The following KIF21B variants were observed in gnomAD, a reference collection of about 807,000 sequenced individuals.
The protein encoded by KIF21B is kinesin-like protein KIF21B.
Under a neutral mutation model 192.9 loss-of-function variants are expected in KIF21B, and 85 were observed. That is an observed-to-expected ratio of 0.44 (90% CI 0.37 to 0.53). The LOEUF (loss-of-function observed/expected upper bound fraction) is 0.53. Ranked by LOEUF, KIF21B falls within the 20% of genes least tolerant of loss-of-function variation. KIF21B has a pLI of 0.00. For missense variants in KIF21B, 1,716 were observed against 2,194.8 expected, an observed-to-expected ratio of 0.78 and a Z score of 4.36; for synonymous variants, 832 against 884.6, an observed-to-expected ratio of 0.94 and a Z score of 1.05.
chr1:200,990,796 G>A lies in KIF21B; in HGVS notation c.2688-73C>T. On this transcript the variant is annotated intron_variant, in intron 18 of 34. Coordinates refer to ENST00000461742, the MANE Select transcript of KIF21B (RefSeq NM_001252102.2). The surrounding 1 kb of genome is among the most constrained non-coding windows in gnomAD (Gnocchi z 5.4). ...TGCAGCTCCACTGAGCCCCCATCTGGAGCTGACAGCCACGGGGACCCGGAG... is the reference window on the plus strand; with the variant it reads ...TGCAGCTCCACTGAGCCCCCATCTGAAGCTGACAGCCACGGGGACCCGGAG... 6.3e-7 allele frequency: 1 copy of A among 1,598,136 alleles called. No individual in the cohort carries two copies.
Position 200,983,089 on chromosome 1 carries a change from T to G in KIF21B, c.3809A>C (p.Asp1270Ala). The change falls in exon 28 of 35, where the codon GAT becomes GCT. Residue 1270 changes from aspartate to alanine, a missense_variant. Around this residue, in one of 3 missense-constraint regions of KIF21B, gnomAD observed 580 missense variants for 775.5 expected, o/e 0.75. Coordinates refer to ENST00000461742, the MANE Select transcript of KIF21B (RefSeq NM_001252102.2). ...CTCCGACAAAGAGGAGTCGCTGTCA[T>G]CAGACCTGGGGAGGGCAGAAAATTA... ...QSQGSALDKS[D>A]DSDSSLSEVL... The G allele has an allele frequency of 6.5e-7, 1 of 1,535,994 alleles. No homozygotes were observed. Among genetic ancestry groups the G allele is most frequent in the Non-Finnish European group, 8.7e-7 (1 of 1,146,826 alleles).
intron 34 of KIF21B, among the ~76,000 whole-genome samples, chr1:200,974,471 C>T (rs535902725): frequency 2.1e-4 from 32 of 152,208 alleles, no homozygotes; most frequent in Admixed American, 5.2e-4. Context: ...TGGAGACAAG[C>T]GGGCGAGGCT....
intron 1 of KIF21B, among the ~76,000 whole-genome samples, chr1:201,013,398 A>T (rs796831595): frequency 1.6e-4 from 25 of 152,262 alleles, no homozygotes; most frequent in African/African-American, 6.0e-4. Flanking sequence ...CCTCAAAGTG[A>T]CAGTGGCCTA....
chr1:201,002,639 A>C (rs376593715), intron 8 of KIF21B: 1 of 385,980 alleles, frequency 2.6e-6, no homozygotes. Flanking sequence ...TCATATCTCC[A>C]TAAAGTCTAG....
Position 201,005,526 on chromosome 1 carries a change from A to T in KIF21B, c.597+19T>A. The stretch of plus-strand genomic sequence containing the variant: ...TCAGGATGCCCTGGACCTGCTCCAG[A>T]CCTCCAGCAGAGGCTCACCTCCTCC... On this transcript the variant is annotated intron_variant, in intron 4 of 34. Coordinates refer to ENST00000461742, the MANE Select transcript of KIF21B (RefSeq NM_001252102.2). 2.5e-6 allele frequency: 4 copies of T among 1,608,176 alleles called. No homozygotes were observed.
At chr1:200,983,500 CA>C (rs1656088065) in intron 27 of KIF21B, among the ~76,000 whole-genome samples, 1 of 152,174 alleles carries the variant, frequency 6.6e-6, no homozygotes, top group Non-Finnish European at 1.5e-5. Context: ...TGAAGGAAGC[CA>C]TGCCTGATCC....
At position 201,004,907 on chromosome 1, in the gene KIF21B, A is replaced by G; in HGVS notation, c.759T>C (p.Pro253=). Residue 253 remains proline (P), a synonymous_variant, in exon 6 of 35, where the codon CCT becomes CCC. Coordinates refer to ENST00000461742, the MANE Select transcript of KIF21B (RefSeq NM_001252102.2). ...DLVNEAVTGL[P]DGTPPSSEYE... ...ACTCACTCGAGGGAGGTGTACCATC[A>G]GGAAGCCCAGTCACCGCCTCATTCA... 6.2e-7 allele frequency: 1 copy of G among 1,609,742 alleles called. No homozygotes were observed. The highest frequency in any genetic ancestry group is 1.1e-5 in the South Asian group (1 of 91,026).
Position 201,004,355 on chromosome 1 carries a change from G to A in KIF21B, c.1001C>T (p.Ser334Leu). 1.3e-6 allele frequency: 2 copies of A among 1,568,554 alleles called. No individual in the cohort carries two copies. The highest frequency in any genetic ancestry group is 1.7e-6 in the Non-Finnish European group (2 of 1,155,844). Residue 334 changes from serine (S) to leucine (L), a missense_variant, in exon 7 of 35, where the codon TCG becomes TTG. Transcript: ENST00000461742. The stretch of plus-strand genomic sequence containing the variant: ...CACCAGATACCTGTTGCCCCCCAGC[G>A]AATCCTGGAGGAGCCGAGTGAGCTT... ...DSKLTRLLQD[S>L]LGGNSQTIMI...
At position 200,990,126 on chromosome 1, in the gene KIF21B, C is replaced by T. The variant is rs376765308; in HGVS notation, c.3030+12G>A. On this transcript the variant is annotated intron_variant, in intron 20 of 34. Transcript: ENST00000461742. The surrounding 1 kb of genome is among the most constrained non-coding windows in gnomAD (Gnocchi z 5.4). Reference sequence around the variant, plus strand: ...CCCGCCTCCGCCCCAGCAGGCCCAGCCCTGCGGATACCTTGGTCTCCTCCA... The same window carrying T: ...CCCGCCTCCGCCCCAGCAGGCCCAGTCCTGCGGATACCTTGGTCTCCTCCA... The T allele has an allele frequency of 2.1e-5, 34 of 1,611,716 alleles. No homozygotes were observed. Among genetic ancestry groups the T allele is most frequent in the Non-Finnish European group, 2.7e-5 (32 of 1,178,336 alleles).
At chr1:201,020,314 C>T (rs1303447477) in intron 1 of KIF21B, among the ~76,000 whole-genome samples, 1 of 152,192 alleles carries the variant, frequency 6.6e-6, no homozygotes, top group East Asian at 1.9e-4. Context: ...CCCTTTCTCG[C>T]CCCATTTGTC....
At chr1:201,011,926 A>G (rs1658254626) in intron 1 of KIF21B, among the ~76,000 whole-genome samples, 1 of 152,234 alleles carries the variant, frequency 6.6e-6, no homozygotes, top group Non-Finnish European at 1.5e-5. Flanking sequence ...GAGGGGGAGC[A>G]ACAGCCCTGC....
intron 27 of KIF21B, among the ~76,000 whole-genome samples, 176 bp downstream of exon 27, chr1:200,984,683 A>C (rs895690603): frequency 4.6e-5 from 7 of 152,170 alleles, no homozygotes; most frequent in African/African-American, 1.7e-4. Context: ...GCCCATGGTT[A>C]GTACAGGAAG....
chr1:201,014,007 A>G (rs1658365433), intron 1 of KIF21B, among the ~76,000 whole-genome samples: 2 of 152,190 alleles, frequency 1.3e-5, no homozygotes, highest in South Asian at 4.1e-4. Flanking sequence ...CCACTCAGAA[A>G]GGCCCCCGGA....
intron 1 of KIF21B, among the ~76,000 whole-genome samples, chr1:201,010,807 C>G (rs61817963): frequency 2.0e-5 from 3 of 152,236 alleles, no homozygotes; most frequent in Non-Finnish European, 4.4e-5. Context: ...AAGGCCCACT[C>G]AGAGCTGTAG....
chr1:200,999,891 C>T lies in KIF21B; in HGVS notation c.1759G>A (p.Ala587Thr). ...ENSEETDENE[A>T]EEEEEERDES... Reference sequence around the variant, plus strand: ...CGGCCCGTGCTCCTCACCTCCTCCGCCTCGTTCTCATCCGTCTCCTCGCTG... The same window carrying T: ...CGGCCCGTGCTCCTCACCTCCTCCGTCTCGTTCTCATCCGTCTCCTCGCTG... Residue 587 changes from alanine to threonine, a missense_variant, in exon 12 of 35, where the codon GCG (alanine) becomes ACG (threonine). Ala to Thr is a moderately conservative substitution (Grantham distance 58, BLOSUM62 0). Around this residue, in one of 3 missense-constraint regions of KIF21B, gnomAD observed 1,087 missense variants for 1,316.6 expected, o/e 0.83. Coordinates refer to ENST00000461742, the MANE Select transcript of KIF21B (RefSeq NM_001252102.2). The surrounding 1 kb of genome is among the most constrained non-coding windows in gnomAD (Gnocchi z 4.7). The T allele has an allele frequency of 6.2e-7, 1 of 1,613,796 alleles. No homozygotes were observed. Among genetic ancestry groups the T allele is most frequent in the Non-Finnish European group, 8.5e-7 (1 of 1,180,020 alleles).
At chr1:201,020,114 C>T (rs1658734211) in intron 1 of KIF21B, among the ~76,000 whole-genome samples, 1 of 151,940 alleles carries the variant, frequency 6.6e-6, no homozygotes, top group Non-Finnish European at 1.5e-5. Context: ...CACCGCCAAG[C>T]AGACTAAAGG....
Position 201,004,417 on chromosome 1 carries a change from C to T in KIF21B, c.939G>A (p.Gln313=). Reference sequence around the variant, plus strand: ...AGGGAACGTGCACCACCTTCTTGCTCTGGTCCCCTAAGGCGCTGATCACAT... The same window carrying T: ...AGGGAACGTGCACCACCTTCTTGCTTTGGTCCCCTAAGGCGCTGATCACAT... ...LGNVISALGD[Q]SKKVVHVPYR... is the part of the protein sequence containing the mutation. Residue 313 remains glutamine (Q), a synonymous_variant, in exon 7 of 35, where the codon CAG becomes CAA. Transcript: ENST00000461742. 6.3e-7 allele frequency: 1 copy of T among 1,581,768 alleles called. No individual in the cohort carries two copies. The highest frequency in any genetic ancestry group is 8.6e-7 in the Non-Finnish European group (1 of 1,163,128).
At position 200,998,736 on chromosome 1, in the gene KIF21B, G is replaced by T. The variant is rs191808715; in HGVS notation, c.1886-161C>A. Among the ~76,000 whole-genome samples, 1 of 152,198 alleles carries T rather than the reference G, an allele frequency of 6.6e-6. No individual in the cohort carries two copies. Among genetic ancestry groups the T allele is most frequent in the African/African-American group, 2.4e-5 (1 of 41,508 alleles). On this transcript the variant is annotated intron_variant, in intron 13 of 34. Coordinates refer to ENST00000461742, the MANE Select transcript of KIF21B (RefSeq NM_001252102.2). This position sits in a 1 kb window ranked among gnomAD's most constrained non-coding sequence, Gnocchi z 4.3. ...ATAAATCCTAATGCAGGTAGAATGCGGCCAGAAGGAGGAACACATTTAAAG... is the reference window on the plus strand; with the variant it reads ...ATAAATCCTAATGCAGGTAGAATGCTGCCAGAAGGAGGAACACATTTAAAG...
chr1:201,013,533 G>A (rs1420940169), intron 1 of KIF21B, among the ~76,000 whole-genome samples: 1 of 152,040 alleles, frequency 6.6e-6, no homozygotes, highest in Non-Finnish European at 1.5e-5. Flanking sequence ...TTTTTAAAAC[G>A]TTTTTGCAGA....
Sources: gnomAD v4.1 joint callset for allele counts (sites outside exome capture counted in the v4.1 genomes callset) on GRCh38, gnomAD v4.1.1 for gene constraint, gnomAD v4.1.1 regional missense constraint, Gnocchi (gnomAD v3.1) non-coding constraint, MANE v1.5 for transcripts, NCBI Gene and HGNC (gene_info 2026-07-23, HGNC 2026-07-21) for gene names.